HRH4: variants seen among roughly 807,000 people sequenced by gnomAD.
The protein encoded by HRH4 is histamine receptor H4.
A neutral mutation model predicts 10.4 loss-of-function variants in HRH4; 12 were observed. That is an observed-to-expected ratio of 1.15 (90% confidence interval 0.74 to 1.87). HRH4 has a LOEUF of 1.87. Among genes scored for constraint, HRH4 ranks in the 40% most tolerant of loss-of-function variants. The probability of loss-of-function intolerance (pLI) is 0.00; values close to 1 mark genes in which losing one functional copy is unlikely to be tolerated. For synonymous variants in HRH4, 154 were observed against 166.6 expected (o/e 0.92, Z 0.58); for missense variants, 415 against 453.3 (o/e 0.92, Z 0.77).
chr18:24,477,599 T>G lies in HRH4; in HGVS notation c.*37T>G. 7.1e-7 allele frequency: 1 copy of G among 1,407,376 alleles called. No homozygotes were observed. Among genetic ancestry groups the G allele is most frequent in the Non-Finnish European group, 9.6e-7 (1 of 1,037,856 alleles). 87.2% of individuals were successfully genotyped at this position (1,407,376 alleles called of 1,614,324 possible). ...TCACCTCTGTAAATTTTAGTCTCAA[T>G]CTCACCTAAATGAATCAGGTCTGCC... On this transcript the variant is annotated 3_prime_UTR_variant, in exon 3 of 3. Coordinates refer to ENST00000256906, the MANE Select transcript of HRH4 (RefSeq NM_021624.4).
Position 24,477,234 on chromosome 18 carries a change from C to G in HRH4, c.845C>G (p.Ser282Ter), listed in dbSNP as rs760664429. 5.0e-6 allele frequency: 8 copies of G among 1,614,196 alleles called. No homozygotes were observed. The highest frequency in any genetic ancestry group is 1.1e-5 in the South Asian group (1 of 91,086). ...TCCAAAATGGGTTCCTTCTCCCAAT[C>G]AGATTCTGTAGCTCTTCACCAAAGG... ...IASKMGSFSQ[S>*]DSVALHQREH... Residue 282 changes from serine to a stop codon, truncating the protein, a stop_gained, in exon 3 of 3, where the codon TCA becomes TGA. Coordinates refer to ENST00000256906, the MANE Select transcript of HRH4 (RefSeq NM_021624.4). LOFTEE classifies it low-confidence loss of function (END_TRUNC).
intron 1 of HRH4, among the ~76,000 whole-genome samples, chr18:24,465,448 G>A (rs1010047633): frequency 5.9e-5 from 9 of 152,090 alleles, no homozygotes; most frequent in African/African-American, 1.9e-4. Flanking sequence ...AGTGATTGAG[G>A]GGTGAGAAGT....
rs1178254461 is a variant in HRH4 at position 24,479,771 on chromosome 18, T to A, written c.*2209T>A. ...CTTACACCGTTTGGTGATTTTCATGTTTCTTAGAAACTTTAAACCTTTAAC... is the reference window on the plus strand; with the variant it reads ...CTTACACCGTTTGGTGATTTTCATGATTCTTAGAAACTTTAAACCTTTAAC... On this transcript the variant is annotated 3_prime_UTR_variant, in exon 3 of 3. Transcript: ENST00000256906. 1.3e-5 allele frequency: 2 copies of A among 152,244 alleles called. No individual in the cohort carries two copies. Among genetic ancestry groups the A allele is most frequent in the Non-Finnish European group, 2.9e-5 (2 of 68,042 alleles). The allele number at this position is 152,244 out of a possible 1,614,324, so 9.4% of individuals were successfully genotyped here.
intron 1 of HRH4, among the ~76,000 whole-genome samples, chr18:24,465,794 G>C (rs1909757263): frequency 6.6e-6 from 1 of 152,162 alleles, no homozygotes; most frequent in Non-Finnish European, 1.5e-5. Flanking sequence ...CCTAGAGCCT[G>C]TCTTCAGCTA....
intron 1 of HRH4, among the ~76,000 whole-genome samples, chr18:24,468,147 A>G (rs900676347): frequency 7.9e-5 from 12 of 152,178 alleles, no homozygotes; most frequent in Non-Finnish European, 7.3e-5. Flanking sequence ...AGTCCCTGAT[A>G]TAAAATGCTG....
At chr18:24,475,325 C>T (rs1389658375) in intron 2 of HRH4, among the ~76,000 whole-genome samples, 4 of 121,210 alleles carry the variant, frequency 3.3e-5, no homozygotes, top group African/African-American at 1.3e-4. Flanking sequence ...GAAACACTTG[C>T]ATCAAGAAGT....
intron 1 of HRH4, among the ~76,000 whole-genome samples, chr18:24,464,671 C>G (rs549600616): frequency 6.6e-6 from 1 of 152,042 alleles, no homozygotes; most frequent in African/African-American, 2.4e-5. Flanking sequence ...AGATGGGTGG[C>G]AATTTTAAAG....
At position 24,468,148 on chromosome 18, in the gene HRH4, T is replaced by C. The variant is rs1487592747; in HGVS notation, c.194-640T>C. ...TCCAAGAAAGCTGAAGTCCCTGATA[T>C]AAAATGCTGTAGTATTTCCATATAA... On this transcript the variant is annotated intron_variant, in intron 1 of 2. Transcript: ENST00000256906. Among the ~76,000 whole-genome samples the C allele has an allele frequency of 2.6e-5, 4 of 152,272 alleles. No individual in the cohort carries two copies. The East Asian group carries it at 7.7e-4, about 29-fold the overall frequency.
At chr18:24,471,718 T>A (rs918761512) in intron 2 of HRH4, among the ~76,000 whole-genome samples, 1 of 152,022 alleles carries the variant, frequency 6.6e-6, no homozygotes, top group South Asian at 2.1e-4. Flanking sequence ...TATGAATACT[T>A]CCATCTGTGT....
At chr18:24,468,726 A>G in intron 1 of HRH4, 62 bp from the exon 2 acceptor site, 1 of 1,414,578 alleles carries the variant, frequency 7.1e-7, no homozygotes, top group Non-Finnish European at 9.7e-7. Context: ...AGCCATTAAA[A>G]CATGCACATT....
At chr18:24,476,387 C>T (rs760353161) in intron 2 of HRH4, among the ~76,000 whole-genome samples, 4 of 152,218 alleles carry the variant, frequency 2.6e-5, no homozygotes, top group Non-Finnish European at 4.4e-5. Flanking sequence ...TCATGCTCAG[C>T]CTGAAGATTG....
chr18:24,477,033 G>T lies in HRH4; in HGVS notation c.644G>T (p.Gly215Val). Residue 215 changes from glycine to valine, a missense_variant, in exon 3 of 3, where the codon GGA (glycine) becomes GTA (valine). Gly to Val is a moderately radical substitution (Grantham distance 109). Transcript: ENST00000256906. ...CTCAGTAGGTGCCAAAGCCATCCTG[G>T]ACTGACTGCTGTCTCTTCCAACATC... ...DHLSRCQSHP[G>V]LTAVSSNICG... is the part of the protein sequence containing the mutation. The T allele has an allele frequency of 6.2e-7, 1 of 1,614,210 alleles. No homozygotes were observed. Among genetic ancestry groups the T allele is most frequent in the South Asian group, 1.1e-5 (1 of 91,086 alleles).
intron 1 of HRH4, among the ~76,000 whole-genome samples, chr18:24,461,182 T>C (rs181748028): frequency 2.8e-4 from 43 of 152,256 alleles, no homozygotes; most frequent in African/African-American, 1.0e-3. Context: ...CCAGTATAGC[T>C]CCAAAATTTT....
chr18:24,461,093 T>A (rs1360484601), intron 1 of HRH4, among the ~76,000 whole-genome samples, 172 bp downstream of exon 1: 2 of 152,330 alleles, frequency 1.3e-5, no homozygotes, highest in Middle Eastern at 3.4e-3. Flanking sequence ...AAGGGAATGT[T>A]ATACATATGT....
chr18:24,468,851 TC>T lies in HRH4; in HGVS notation c.258del (p.Cys87ValfsTer44), dbSNP rs764569512. The T allele has an allele frequency of 1.2e-6, 2 of 1,614,102 alleles. No individual in the cohort carries two copies. The highest frequency in any genetic ancestry group is 1.7e-6 in the Non-Finnish European group (2 of 1,179,956). ...TLFEWDFGKE[I>X]CVFWLTTDYL... ...TTCGAATGGGATTTTGGAAAGGAAA[TC>T]TGTGTATTTTGGCTCACTACTGACT... On this transcript the variant is annotated frameshift_variant, in exon 2 of 3. Transcript: ENST00000256906. LOFTEE classifies it high-confidence loss of function.
chr18:24,465,204 CCT>C (rs1458849332), intron 1 of HRH4, among the ~76,000 whole-genome samples: 1 of 152,094 alleles, frequency 6.6e-6, no homozygotes, highest in East Asian at 1.9e-4. Flanking sequence ...AGGAGAATCA[CCT>C]GAACCCAGGA....
Position 24,460,740 on chromosome 18 carries a change from T to G in HRH4, c.12T>G (p.Thr4=), listed in dbSNP as rs1414327449. ...CATCATTTGATGTGATGCCAGATAC[T>G]AATAGCACAATCAATTTATCACTAA... The part of the protein sequence containing the change: MPD[T]NSTINLSLST... The change falls in exon 1 of 3, where the codon ACT becomes ACG. Residue 4 remains threonine (T), a synonymous_variant. Transcript: ENST00000256906. The G allele has an allele frequency of 6.6e-7, 1 of 1,525,248 alleles. No individual in the cohort carries two copies. The highest frequency in any genetic ancestry group is 2.3e-5 in the East Asian group (1 of 43,440). 94.5% of individuals were successfully genotyped at this position (1,525,248 alleles called of 1,614,324 possible).
chr18:24,465,995 A>G (rs1015105170), intron 1 of HRH4, among the ~76,000 whole-genome samples: 3 of 152,152 alleles, frequency 2.0e-5, no homozygotes, highest in African/African-American at 4.8e-5. Context: ...CAGTGTTGAA[A>G]ATACTCATGT....
Position 24,460,912 on chromosome 18 carries a change from T to G in HRH4, c.184T>G (p.Phe62Val). The G allele has an allele frequency of 1.3e-6, 2 of 1,558,718 alleles. No homozygotes were observed. Among genetic ancestry groups the G allele is most frequent in the Non-Finnish European group, 1.8e-6 (2 of 1,141,374 alleles). Residue 62 changes from phenylalanine to valine, a missense_variant, in exon 1 of 3, where the codon TTC (phenylalanine) becomes GTC (valine). Coordinates refer to ENST00000256906, the MANE Select transcript of HRH4 (RefSeq NM_021624.4). The part of the protein sequence containing the change: ...YFFLNLAISD[F>V]FVGVISIPLY... ...TTTTCTTAACTTGGCCATCTCTGACTTCTTTGTGGGTAAGTTATATGTCTT... is the reference window on the plus strand; with the variant it reads ...TTTTCTTAACTTGGCCATCTCTGACGTCTTTGTGGGTAAGTTATATGTCTT...
Sources: allele counts gnomAD v4.1 joint callset (sites outside exome capture counted in the v4.1 genomes callset), GRCh38; gene constraint gnomAD v4.1.1; transcripts MANE v1.5; gene names NCBI Gene and HGNC (gene_info 2026-07-23, HGNC 2026-07-21).